Variants in ZNHIT6 observed in about 807,000 individuals in gnomAD.
The protein encoded by ZNHIT6 is box C/D snoRNA protein 1.
In ZNHIT6, 45 loss-of-function variants were observed where a neutral mutation model predicts 57.2. The ratio of observed to expected loss-of-function variants is 0.79; its 90% CI spans 0.62 to 1.01. The LOEUF (loss-of-function observed/expected upper bound fraction) is 1.01. ZNHIT6 is among the 50% of genes least tolerant of loss of function. The pLI is 0.00. For missense variants in ZNHIT6, 528 were observed against 567.3 expected (o/e 0.93, Z 0.70); for synonymous variants, 188 against 190.0 (o/e 0.99, Z 0.09).
At chr1:85,691,474 T>C (rs964126095) in intron 5 of ZNHIT6, among the ~76,000 whole-genome samples, 9 of 152,196 alleles carry the variant, frequency 5.9e-5, no homozygotes, top group Admixed American at 4.6e-4. Flanking sequence ...AGATGACAAA[T>C]TTCATCTACT....
chr1:85,689,526 T>C (rs1276890734), intron 5 of ZNHIT6, among the ~76,000 whole-genome samples: 5 of 152,236 alleles, frequency 3.3e-5, no homozygotes, highest in Admixed American at 3.3e-4. Flanking sequence ...TATATATTTT[T>C]GTCCTTTTAA....
At chr1:85,664,454 T>C (rs1661309101) in intron 8 of ZNHIT6, among the ~76,000 whole-genome samples, 2 of 152,216 alleles carry the variant, frequency 1.3e-5, no homozygotes, top group African/African-American at 2.4e-5. Context: ...TACTGTTTTA[T>C]TGTGATTCTT....
Position 85,652,492 on chromosome 1 carries a change from G to A in ZNHIT6, c.*1566C>T, listed in dbSNP as rs963838237. 1.3e-5 allele frequency: 2 copies of A among 152,142 alleles called. No individual in the cohort carries two copies. Among genetic ancestry groups the A allele is most frequent in the Middle Eastern group, 3.2e-3 (1 of 316 alleles). The allele number at this position is 152,142 out of a possible 1,614,324, so 9.4% of individuals were successfully genotyped here. A position where few individuals can be genotyped will look rare whatever the true frequency, so the allele number is the denominator to read the frequency against. On this transcript the variant is annotated 3_prime_UTR_variant, in exon 10 of 10. Transcript: ENST00000370574. ...ATATATATGTATGTATGTTTCTCAAGTTGCAAGGACTCACTTTCTATGAAC... is the reference window on the plus strand; with the variant it reads ...ATATATATGTATGTATGTTTCTCAAATTGCAAGGACTCACTTTCTATGAAC...
chr1:85,690,792 G>A (rs1320577736), intron 5 of ZNHIT6, among the ~76,000 whole-genome samples: 1 of 152,160 alleles, frequency 6.6e-6, no homozygotes, highest in Non-Finnish European at 1.5e-5. Flanking sequence ...TTGGGAGGCT[G>A]AGGCGAGCGG....
chr1:85,684,542 G>A (rs1661970935), intron 5 of ZNHIT6, among the ~76,000 whole-genome samples: 1 of 152,082 alleles, frequency 6.6e-6, no homozygotes, highest in Non-Finnish European at 1.5e-5. Flanking sequence ...AGCTCCTTGG[G>A]AGGCAATAAT....
intron 9 of ZNHIT6, among the ~76,000 whole-genome samples, chr1:85,655,161 CATG>C (rs1661026991): frequency 6.6e-6 from 1 of 152,146 alleles, no homozygotes; most frequent in Non-Finnish European, 1.5e-5. Flanking sequence ...CCAGTGCCTC[CATG>C]ATATTAAAAG....
chr1:85,668,188 T>C lies in ZNHIT6; in HGVS notation c.1247+9048A>G, dbSNP rs190996477. On this transcript the variant is annotated intron_variant, in intron 8 of 9. Transcript: ENST00000370574. ...CTGAACTGAATAATTTTAACTATTA[T>C]TAACATCAAATTGATCAAAACATCA... 3.5e-3 allele frequency among the ~76,000 whole-genome samples: 529 copies of C among 151,656 alleles called. 3 individuals carry two copies. The highest frequency in any genetic ancestry group is 9.6e-3 in the South Asian group (46 of 4,814).
chr1:85,690,123 T>A (rs1662175878), intron 5 of ZNHIT6, among the ~76,000 whole-genome samples: 1 of 152,152 alleles, frequency 6.6e-6, no homozygotes, highest in African/African-American at 2.4e-5. Context: ...GTGACCAGCC[T>A]GGGAACATTT....
intron 5 of ZNHIT6, among the ~76,000 whole-genome samples, chr1:85,681,360 G>A (rs1459034662): frequency 6.6e-6 from 1 of 152,166 alleles, no homozygotes; most frequent in Non-Finnish European, 1.5e-5. Flanking sequence ...TAAGCAGAAT[G>A]CACTTTGAGC....
intron 8 of ZNHIT6, among the ~76,000 whole-genome samples, chr1:85,674,351 TCTCAAA>T (rs1661645285): frequency 1.3e-5 from 2 of 152,070 alleles, no homozygotes; most frequent in South Asian, 4.1e-4. Flanking sequence ...CTCAGGCTTG[TCTCAAA>T]CTCCTGAGCT....
At chr1:85,662,508 A>AAT (rs3059886) in intron 8 of ZNHIT6, among the ~76,000 whole-genome samples, 1 of 151,912 alleles carries the variant, frequency 6.6e-6, no homozygotes, top group Non-Finnish European at 1.5e-5. Context: ...TATTCCAAAA[A>AAT]AGTTTTAATT....
At chr1:85,699,777 C>T (rs183391459) in intron 5 of ZNHIT6, among the ~76,000 whole-genome samples, 9 of 151,960 alleles carry the variant, frequency 5.9e-5, no homozygotes, top group African/African-American at 1.7e-4. Context: ...TGTTTAATAC[C>T]GTGTTATGTA....
chr1:85,705,222 TTTTTC>T (rs1662649890), intron 4 of ZNHIT6, among the ~76,000 whole-genome samples: 1 of 152,116 alleles, frequency 6.6e-6, no homozygotes, highest in South Asian at 2.1e-4. Flanking sequence ...TTTCTTTTCT[TTTTTC>T]TTTTGAGACA....
At chr1:85,679,738 C>T (rs1436820244) in intron 6 of ZNHIT6, among the ~76,000 whole-genome samples, 1 of 151,956 alleles carries the variant, frequency 6.6e-6, no homozygotes, top group African/African-American at 2.4e-5. Context: ...GGGTGCGCCA[C>T]TTCCCCCAGC....
At chr1:85,680,323 A>G (rs1414672352) in intron 6 of ZNHIT6, among the ~76,000 whole-genome samples, 1 of 152,226 alleles carries the variant, frequency 6.6e-6, no homozygotes, top group Non-Finnish European at 1.5e-5. Context: ...AAAATAATGT[A>G]TTTTCTGAGT....
intron 6 of ZNHIT6, among the ~76,000 whole-genome samples, chr1:85,680,591 TC>T (rs1438629692): frequency 6.6e-6 from 1 of 152,196 alleles, no homozygotes; most frequent in East Asian, 1.9e-4. Context: ...CTGGCTTTTT[TC>T]CCCCATATTT....
chr1:85,702,726 G>A (rs1662571824), intron 4 of ZNHIT6, among the ~76,000 whole-genome samples: 1 of 152,184 alleles, frequency 6.6e-6, no homozygotes, highest in South Asian at 2.1e-4. Flanking sequence ...CAAGGGAAGA[G>A]CCAAGGCATT....
intron 8 of ZNHIT6, among the ~76,000 whole-genome samples, chr1:85,665,085 C>A (rs983032676): frequency 6.6e-6 from 1 of 152,044 alleles, no homozygotes; most frequent in Non-Finnish European, 1.5e-5. Context: ...CCTGCCTCAG[C>A]CTCCCAAACC....
At chr1:85,693,051 A>C (rs1662262980) in intron 5 of ZNHIT6, among the ~76,000 whole-genome samples, 1 of 152,220 alleles carries the variant, frequency 6.6e-6, no homozygotes, top group Admixed American at 6.5e-5. Context: ...CCTAGTTCAA[A>C]AGAATAAATT....
Sources: gnomAD v4.1 joint callset for allele counts (sites outside exome capture counted in the v4.1 genomes callset) on GRCh38, gnomAD v4.1.1 for gene constraint, MANE v1.5 for transcripts, NCBI Gene and HGNC (gene_info 2026-07-23, HGNC 2026-07-21) for gene names.